The following GPC5 variants were observed in gnomAD, a reference collection of about 807,000 sequenced individuals.
The protein encoded by GPC5 is glypican 5, also known as glypican-5.
In GPC5, 47 loss-of-function variants were observed where a neutral mutation model predicts 53.9. That is an observed-to-expected ratio of 0.87 (90% CI 0.69 to 1.11). The LOEUF is 1.11. GPC5 is among the 50% of genes most tolerant of loss of function. The pLI is 0.00. For synonymous variants in GPC5, 286 were observed against 263.3 expected (o/e 1.09, Z -0.84); for missense variants, 748 against 713.1 (o/e 1.05, Z -0.56).
At chr13:91,797,275 G>A (rs545996350) in intron 5 of GPC5, among the ~76,000 whole-genome samples, 3 of 152,066 alleles carry the variant, frequency 2.0e-5, no homozygotes, top group Non-Finnish European at 4.4e-5. Context: ...AGTTCAATTA[G>A]AATGTTGTGG....
intron 5 of GPC5, among the ~76,000 whole-genome samples, chr13:91,781,428 A>T (rs895059541): frequency 2.1e-4 from 32 of 152,334 alleles, no homozygotes; most frequent in African/African-American, 7.5e-4. Context: ...AACAAATCTA[A>T]CCTTTTATTT....
chr13:91,698,207 T>G (rs1030823332), intron 3 of GPC5, among the ~76,000 whole-genome samples: 22 of 152,174 alleles, frequency 1.4e-4, no homozygotes, highest in Admixed American at 3.3e-4. Context: ...ATTCTATTTT[T>G]TCTTACAGAT....
chr13:92,346,101 G>T (rs1287606335), intron 7 of GPC5, among the ~76,000 whole-genome samples: 7 of 152,156 alleles, frequency 4.6e-5, no homozygotes, highest in African/African-American at 1.7e-4. Flanking sequence ...TTTTGGGGAA[G>T]TATAGAGGCT....
chr13:92,000,076 A>G lies in GPC5; in HGVS notation c.1401+92019A>G, dbSNP rs192854227. On this transcript the variant is annotated intron_variant, in intron 6 of 7. Coordinates refer to ENST00000377067, the MANE Select transcript of GPC5 (RefSeq NM_004466.6). ...AAGATCTAACATTTTCAAGAATGTA[A>G]TCCATGAATAAAAATTGTAAAGGTA... Among the ~76,000 whole-genome samples, 5 of 152,302 alleles carry G rather than the reference A, an allele frequency of 3.3e-5. 1 individual carries two copies. The highest frequency in any genetic ancestry group is 3.3e-4 in the Admixed American group (5 of 15,296).
At chr13:91,758,591 A>T (rs1345359443) in intron 5 of GPC5, among the ~76,000 whole-genome samples, 1 of 152,090 alleles carries the variant, frequency 6.6e-6, no homozygotes, top group Non-Finnish European at 1.5e-5. Context: ...AATATATTTT[A>T]TTCTACATAA....
At chr13:92,766,774 T>TGCTTTG in intron 7 of GPC5, among the ~76,000 whole-genome samples, 1 of 152,242 alleles carries the variant, frequency 6.6e-6, no homozygotes, top group South Asian at 2.1e-4. Context: ...CATTTGCTTT[T>TGCTTTG]AAGGGAACTT....
intron 7 of GPC5, among the ~76,000 whole-genome samples, chr13:92,621,785 C>T (rs1389721301): frequency 1.3e-5 from 2 of 152,110 alleles, no homozygotes; most frequent in African/African-American, 4.8e-5. Flanking sequence ...CACCATTACA[C>T]TCCGGCCTGG....
intron 7 of GPC5, among the ~76,000 whole-genome samples, chr13:92,772,296 C>T (rs989177899): frequency 1.3e-5 from 2 of 152,146 alleles, no homozygotes; most frequent in African/African-American, 4.8e-5. Context: ...CCAACGTCAT[C>T]TCACTTTATA....
chr13:91,843,167 A>G (rs1275296452), intron 5 of GPC5, among the ~76,000 whole-genome samples: 1 of 152,232 alleles, frequency 6.6e-6, no homozygotes, highest in Admixed American at 6.5e-5. Flanking sequence ...CAGAAGAAAC[A>G]TAAAACTTGA....
intron 7 of GPC5, among the ~76,000 whole-genome samples, chr13:92,647,310 C>A (rs1265708236): frequency 1.3e-5 from 2 of 152,088 alleles, no homozygotes; most frequent in African/African-American, 2.4e-5. Context: ...ATAACTATAA[C>A]TAACAAATGT....
chr13:91,761,722 A>C (rs1439960654), intron 5 of GPC5, among the ~76,000 whole-genome samples: 1 of 152,186 alleles, frequency 6.6e-6, no homozygotes, highest in Non-Finnish European at 1.5e-5. Context: ...CTCTCTGGGC[A>C]GCTGCCCTCT....
intron 7 of GPC5, among the ~76,000 whole-genome samples, chr13:92,158,043 T>C (rs778879339): frequency 7.2e-5 from 11 of 152,202 alleles, no homozygotes; most frequent in Non-Finnish European, 1.3e-4. Context: ...ATGGGGATTT[T>C]CTTAAGAATA....
In GPC5 at chr13:91,737,890, T is replaced by C. The variant is rs542458602; in HGVS notation, c.1154+9225T>C. 1.7e-4 allele frequency among the ~76,000 whole-genome samples: 25 copies of C among 151,462 alleles called. 1 individual carries two copies. Among genetic ancestry groups the C allele is most frequent in the African/African-American group, 6.1e-4 (25 of 40,786 alleles). ...AGCTGGAGTACAGATTAAATTAATA[T>C]AAGGCAGATTAATAGAAAAACGATT... On this transcript the variant is annotated intron_variant, in intron 4 of 7. Transcript: ENST00000377067.
Position 91,977,256 on chromosome 13 carries a change from G to T in GPC5, c.1401+69199G>T, listed in dbSNP as rs151136337. Among the ~76,000 whole-genome samples the T allele has an allele frequency of 1.2e-4, 19 of 152,188 alleles. No individual in the cohort carries two copies. The East Asian group carries it at 3.3e-3, about 26-fold the overall frequency. On this transcript the variant is annotated intron_variant, in intron 6 of 7. Transcript: ENST00000377067. ...TTTATTCAGAATATTCCTATATATT[G>T]TACTATTTTCTTAGCTCATCATTTT...
chr13:92,048,380 T>A (rs1050854956), intron 6 of GPC5, among the ~76,000 whole-genome samples: 5 of 152,178 alleles, frequency 3.3e-5, no homozygotes, highest in African/African-American at 1.2e-4. Context: ...TAGGTATTTA[T>A]AACAATCTTT....
intron 7 of GPC5, among the ~76,000 whole-genome samples, chr13:92,233,382 C>T (rs946033217): frequency 1.3e-5 from 2 of 152,156 alleles, no homozygotes; most frequent in Non-Finnish European, 2.9e-5. Flanking sequence ...CTTAACAATG[C>T]AAACACTAGG....
intron 2 of GPC5, among the ~76,000 whole-genome samples, chr13:91,645,652 A>T (rs1234455640): frequency 6.6e-6 from 1 of 152,218 alleles, no homozygotes; most frequent in Non-Finnish European, 1.5e-5. Context: ...CTACTACGTT[A>T]TGTATTACTG....
At chr13:91,726,150 G>A (rs1198402635) in intron 3 of GPC5, among the ~76,000 whole-genome samples, 1 of 152,102 alleles carries the variant, frequency 6.6e-6, no homozygotes, top group African/African-American at 2.4e-5. Flanking sequence ...TTTCAAAGTG[G>A]AAATTCACTT....
intron 6 of GPC5, among the ~76,000 whole-genome samples, chr13:91,976,495 T>C (rs1427059229): frequency 6.6e-6 from 1 of 151,914 alleles, no homozygotes; most frequent in Non-Finnish European, 1.5e-5. Flanking sequence ...GCCCTACAAT[T>C]AGGAGTTTAT....
Sources: allele counts gnomAD v4.1 joint callset (sites outside exome capture counted in the v4.1 genomes callset), GRCh38; gene constraint gnomAD v4.1.1; transcripts MANE v1.5; gene names NCBI Gene and HGNC (gene_info 2026-07-23, HGNC 2026-07-21).